Variants in FAM167A observed in about 807,000 individuals in gnomAD.
The protein encoded by FAM167A is protein FAM167A.
FAM167A carries 23 observed loss-of-function variants against 14.9 expected under a neutral mutation model. The observed-to-expected ratio is 1.55, with a 90% CI of 1.11 to 2.19. The LOEUF (loss-of-function observed/expected upper bound fraction) is 2.19. Ranked by LOEUF, FAM167A falls within the 30% of genes most tolerant of loss-of-function variation. The probability of loss-of-function intolerance (pLI) is 0.00; values close to 1 mark genes in which losing one functional copy is unlikely to be tolerated. For synonymous variants in FAM167A, 174 were observed against 117.7 expected (o/e 1.48, Z -3.10); for missense variants, 401 against 281.5 (o/e 1.42, Z -3.04).
chr8:11,463,661 G>A (rs987592732), intron 1 of FAM167A, among the ~76,000 whole-genome samples: 1 of 152,206 alleles, frequency 6.6e-6, no homozygotes, highest in African/African-American at 2.4e-5. Context: ...CCCTGCGAGG[G>A]AGCCCTTGGG....
Position 11,441,690 on chromosome 8 carries a change from G to T in FAM167A, c.381+2341C>A, listed in dbSNP as rs141090379. Among the ~76,000 whole-genome samples the T allele has an allele frequency of 1.2e-3, 181 of 152,294 alleles. 17 individuals carry two copies. The highest frequency in any genetic ancestry group is 6.8e-3 in the Middle Eastern group (2 of 294). On this transcript the variant is annotated intron_variant, in intron 2 of 2. Coordinates refer to ENST00000284486, the MANE Select transcript of FAM167A (RefSeq NM_053279.3). ...TCACTCATCATGTCATCCTAAGCAG[G>T]TCACCTGACTTCTGTGGACCTCAAT...
intron 2 of FAM167A, among the ~76,000 whole-genome samples, chr8:11,441,585 G>C (rs1317209907): frequency 6.6e-6 from 1 of 151,990 alleles, no homozygotes; most frequent in Non-Finnish European, 1.5e-5. Flanking sequence ...CTCTGCGTTG[G>C]GCCACCTCAC....
chr8:11,463,182 A>T (rs1409798448), intron 1 of FAM167A, among the ~76,000 whole-genome samples: 1 of 152,234 alleles, frequency 6.6e-6, no homozygotes, highest in Non-Finnish European at 1.5e-5. Context: ...ACCTTCCTCC[A>T]AGTTTTCAGT....
intron 1 of FAM167A, among the ~76,000 whole-genome samples, chr8:11,455,678 G>A (rs1807225307): frequency 7.3e-6 from 1 of 136,784 alleles, no homozygotes; most frequent in African/African-American, 2.8e-5. Context: ...GTGTGAATGT[G>A]AGTGTGGGTG....
chr8:11,424,756 ATTAGCACT>A, intron 2 of FAM167A, 120 bp from the exon 3 acceptor site: 2 of 1,388,460 alleles, frequency 1.4e-6, no homozygotes, highest in Non-Finnish European at 1.9e-6. Context: ...ATCTAGAAAT[ATTAGCACT>A]TTCCCTGCTC....
At chr8:11,448,482 G>C (rs1806881272) in intron 1 of FAM167A, among the ~76,000 whole-genome samples, 3 of 152,194 alleles carry the variant, frequency 2.0e-5, no homozygotes, top group Admixed American at 6.5e-5. Flanking sequence ...ACCGTCACAT[G>C]ACAGATCATG....
chr8:11,449,920 C>T (rs1350692234), intron 1 of FAM167A, among the ~76,000 whole-genome samples: 3 of 152,226 alleles, frequency 2.0e-5, no homozygotes, highest in Non-Finnish European at 1.5e-5. Flanking sequence ...AAAACGGTCA[C>T]ATCCACTTCC....
At chr8:11,431,876 G>C (rs1163399662) in intron 2 of FAM167A, among the ~76,000 whole-genome samples, 3 of 133,050 alleles carry the variant, frequency 2.3e-5, no homozygotes, top group Non-Finnish European at 4.6e-5. Context: ...ACAGAAGGAG[G>C]GTACTGGACC....
chr8:11,468,087 C>T (rs1807842587), upstream of FAM167A, among the ~76,000 whole-genome samples: 1 of 152,218 alleles, frequency 6.6e-6, no homozygotes, highest in Admixed American at 6.5e-5. Context: ...TCCAAGCGTG[C>T]ACGCAGTCTC....
chr8:11,438,303 G>T (rs891660167), intron 2 of FAM167A: 2 of 403,206 alleles, frequency 5.0e-6, no homozygotes, highest in Non-Finnish European at 9.9e-6. Flanking sequence ...TCCCGGTTGG[G>T]GTCAGCTGCA....
chr8:11,428,370 C>G (rs1478156283), intron 2 of FAM167A, among the ~76,000 whole-genome samples: 1 of 152,256 alleles, frequency 6.6e-6, no homozygotes, highest in Non-Finnish European at 1.5e-5. Context: ...ACAGTAAGGC[C>G]TGTGTCAGTT....
chr8:11,448,030 C>T (rs1415914411), intron 1 of FAM167A, among the ~76,000 whole-genome samples: 1 of 152,066 alleles, frequency 6.6e-6, no homozygotes, highest in Non-Finnish European at 1.5e-5. Context: ...CCCGTCTCTA[C>T]TAAAAATACA....
intron 1 of FAM167A, among the ~76,000 whole-genome samples, chr8:11,472,624 G>A (rs991301675): frequency 6.6e-6 from 1 of 152,034 alleles, no homozygotes; most frequent in Non-Finnish European, 1.5e-5. Context: ...ATGGGCAGGG[G>A]AGAGCCTTCT....
At chr8:11,454,488 G>C (rs1295014121) in intron 1 of FAM167A, among the ~76,000 whole-genome samples, 1 of 152,220 alleles carries the variant, frequency 6.6e-6, no homozygotes, top group African/African-American at 2.4e-5. Context: ...CGGAGACAAA[G>C]GCAGGGGCCA....
chr8:11,442,764 T>G (rs1405731124), intron 2 of FAM167A, among the ~76,000 whole-genome samples: 1 of 151,886 alleles, frequency 6.6e-6, no homozygotes, highest in Non-Finnish European at 1.5e-5. Context: ...GTGCCTCATC[T>G]TCTCCGAAGC....
chr8:11,443,995 C>T (rs1250192670), intron 2 of FAM167A, 36 bp downstream of exon 2: 3 of 1,581,932 alleles, frequency 1.9e-6, no homozygotes, highest in Non-Finnish European at 1.7e-6. Context: ...GGTGGCATCT[C>T]CTCTTTTCTG....
At chr8:11,443,267 C>G (rs184889887) in intron 2 of FAM167A, among the ~76,000 whole-genome samples, 178 of 152,334 alleles carry the variant, frequency 1.2e-3, no homozygotes, top group African/African-American at 3.9e-3. Flanking sequence ...GCCCCCCCAC[C>G]CTGTTCTCAG....
chr8:11,451,497 CTG>C (rs1210197309), intron 1 of FAM167A, among the ~76,000 whole-genome samples: 2 of 152,256 alleles, frequency 1.3e-5, no homozygotes, highest in African/African-American at 4.8e-5. Flanking sequence ...TTTCGTTGGA[CTG>C]TGTGTCTGTT....
At position 11,421,820 on chromosome 8, in the gene FAM167A, T is replaced by C. The variant is rs543359450; in HGVS notation, c.*2553A>G. 1.0e-5 allele frequency: 4 copies of C among 398,752 alleles called. No homozygotes were observed. The South Asian group carries it at 3.8e-4, about 38-fold the overall frequency. 24.7% of individuals were successfully genotyped at this position (398,752 alleles called of 1,614,324 possible). A position where few individuals can be genotyped will look rare whatever the true frequency, so the allele number is the denominator to read the frequency against. ...ACAACTGCAAACAGCACTGTACACATGTGGTGAGCCAGGAGGCTGGGACGG... is the reference window on the plus strand; with the variant it reads ...ACAACTGCAAACAGCACTGTACACACGTGGTGAGCCAGGAGGCTGGGACGG... On this transcript the variant is annotated 3_prime_UTR_variant, in exon 3 of 3. Transcript: ENST00000284486.
Sources: gnomAD v4.1 joint callset for allele counts (sites outside exome capture counted in the v4.1 genomes callset) on GRCh38, gnomAD v4.1.1 for gene constraint, MANE v1.5 for transcripts, NCBI Gene and HGNC (gene_info 2026-07-23, HGNC 2026-07-21) for gene names.